The following MED10 variants were observed in gnomAD, a reference collection of about 807,000 sequenced individuals.
MED10 encodes the protein mediator complex subunit 10, also known as mediator of RNA polymerase II transcription subunit 10.
A neutral mutation model predicts 17.2 loss-of-function variants in MED10; 9 were observed. The ratio of observed to expected loss-of-function variants is 0.52; its 90% CI spans 0.31 to 0.91. The LOEUF (loss-of-function observed/expected upper bound fraction) is 0.91. Ranked by LOEUF, MED10 falls within the 40% of genes least tolerant of loss-of-function variation. MED10 has a pLI of 0.04. For synonymous variants in MED10, 66 were observed against 59.8 expected (o/e 1.10, Z -0.48); for missense variants, 129 against 164.8 (o/e 0.78, Z 1.19).
At chr5:6,375,224 A>G (rs905140) in intron 2 of MED10, among the ~76,000 whole-genome samples, 77,098 of 151,958 alleles carry the variant, frequency 0.51, 19,794 homozygotes, top group African/African-American at 0.55. Flanking sequence ...CAGGCCACCT[A>G]CCTTTTTCTG....
chr5:6,377,979 T>G (rs1160644691), intron 1 of MED10, among the ~76,000 whole-genome samples: 2 of 152,176 alleles, frequency 1.3e-5, no homozygotes, highest in African/African-American at 4.8e-5. Context: ...CTGTGGAGCC[T>G]GCCTCCCCTC....
intron 1 of MED10, 22 bp downstream of exon 1, chr5:6,378,340 G>C: frequency 6.3e-7 from 1 of 1,582,150 alleles, no homozygotes; most frequent in African/African-American, 1.3e-5. Context: ...GGAGACCCCG[G>C]CAGCCTCGGG....
intron 2 of MED10, among the ~76,000 whole-genome samples, chr5:6,376,428 G>C (rs190011779): frequency 6.6e-6 from 1 of 152,308 alleles, no homozygotes; most frequent in East Asian, 1.9e-4. Flanking sequence ...GAGTCCGGGG[G>C]TTTCGTCTTA....
intron 3 of MED10, among the ~76,000 whole-genome samples, chr5:6,373,135 AC>A: frequency 6.6e-6 from 1 of 152,244 alleles, no homozygotes; most frequent in East Asian, 1.9e-4. Flanking sequence ...TGTGCTGTTT[AC>A]CACCAGGAGG....
At chr5:6,374,718 C>T (rs568024633) in intron 2 of MED10, 17 of 284,306 alleles carry the variant, frequency 6.0e-5, no homozygotes, top group Non-Finnish European at 1.0e-4. Flanking sequence ...TTAGCATTTG[C>T]ACTTTTCAAA....
chr5:6,374,416 G>C lies in MED10; in HGVS notation c.217C>G (p.Gln73Glu), dbSNP rs2111434863. ...GTGTAGAGCTGGGGATTTCGACCTT[G>C]ATCTATATATCTGGAAACACGATAT... ...VPLEVFEYIDQGRNPQLYTKE... is the reference protein window; with the variant it reads ...VPLEVFEYIDEGRNPQLYTKE... The change falls in exon 3 of 4, where the codon CAA becomes GAA. Residue 73 changes from glutamine (Q) to glutamate (E), a missense_variant. Gln to Glu is a conservative substitution (Grantham distance 29). Coordinates refer to ENST00000255764, the MANE Select transcript of MED10 (RefSeq NM_032286.3). 1.2e-6 allele frequency: 2 copies of C among 1,606,884 alleles called. No individual in the cohort carries two copies. The highest frequency in any genetic ancestry group is 1.7e-6 in the Non-Finnish European group (2 of 1,174,886).
At chr5:6,377,719 A>G (rs9313147) in intron 1 of MED10, among the ~76,000 whole-genome samples, 80,700 of 151,954 alleles carry the variant, frequency 0.53, 21,841 homozygotes, top group African/African-American at 0.62. Flanking sequence ...TGGAACCTCG[A>G]GTGCAACATT....
intron 2 of MED10, among the ~76,000 whole-genome samples, chr5:6,376,120 GGTGCCCAC>G (rs1210753883): frequency 6.6e-6 from 1 of 152,192 alleles, no homozygotes; most frequent in East Asian, 1.9e-4. Context: ...AGACCTCAGT[GGTGCCCAC>G]TGAGCACAGG....
Position 6,372,503 on chromosome 5 carries a change from T to C in MED10, c.408A>G (p.Ter136=). 6.2e-7 allele frequency: 1 copy of C among 1,613,874 alleles called. No individual in the cohort carries two copies. The highest frequency in any genetic ancestry group is 8.5e-7 in the Non-Finnish European group (1 of 1,179,800). Residue 136 remains the stop codon, a stop_retained_variant, in exon 4 of 4, where the codon TAA becomes TAG. Coordinates refer to ENST00000255764, the MANE Select transcript of MED10 (RefSeq NM_032286.3). The part of the protein sequence containing the change: ...SIRGEDHPPS[*] ...TCTTCACACAGGGAGGGTGAGCTGG[T>C]TAAGAAGGCGGGTGATCCTCCCCCC... is the stretch of plus-strand genomic sequence containing the variant.
intron 2 of MED10, 77 bp downstream of exon 2, chr5:6,377,089 G>C: frequency 1.1e-6 from 1 of 934,606 alleles, no homozygotes; most frequent in Non-Finnish European, 1.6e-6. Flanking sequence ...TCGAATGCCA[G>C]TGATGAAGAA....
chr5:6,374,291 CCACTGTATT>C, intron 3 of MED10, 24 bp downstream of exon 3: 1 of 1,444,134 alleles, frequency 6.9e-7, no homozygotes, highest in Non-Finnish European at 9.8e-7. Flanking sequence ...GCATCTCTTC[CCACTGTATT>C]TCTGACACTC....
chr5:6,378,269 G>A (rs1164089230), intron 1 of MED10, 93 bp downstream of exon 1: 4 of 1,430,468 alleles, frequency 2.8e-6, no homozygotes, highest in Admixed American at 2.4e-5. Flanking sequence ...TAGCGGTCAG[G>A]CTCGGCTCGG....
In MED10 at chr5:6,374,530, C is replaced by T. The variant is rs73736843; in HGVS notation, c.207-104G>A. 1,595 of 804,726 alleles carry T rather than the reference C, an allele frequency of 2.0e-3. 18 individuals are homozygous for T. In the African/African-American group the frequency reaches 0.024, roughly 12 times the overall value. 49.8% of individuals were successfully genotyped at this position (804,726 alleles called of 1,614,324 possible). A position where few individuals can be genotyped will look rare whatever the true frequency, so the allele number is the denominator to read the frequency against. On this transcript the variant is annotated intron_variant, in intron 2 of 3. Transcript: ENST00000255764. ...TAAAGGTTAGGTATATATAACTGCA[C>T]ACGGCCTTGTTTAGACAAAACTCAG...
At chr5:6,372,643 C>T (rs1243830144) in intron 3 of MED10, 42 bp from the exon 4 acceptor site, 1 of 1,481,048 alleles carries the variant, frequency 6.8e-7, no homozygotes, top group South Asian at 1.1e-5. Flanking sequence ...TTCACATCAA[C>T]ACTCCAATAA....
At chr5:6,374,480 C>G (rs946013233) in intron 2 of MED10, 54 bp from the exon 3 acceptor site, 2 of 1,272,568 alleles carry the variant, frequency 1.6e-6, no homozygotes, top group Non-Finnish European at 2.3e-6. Flanking sequence ...CCTATTCTCA[C>G]AGCTTTCTGA....
intron 3 of MED10, among the ~76,000 whole-genome samples, chr5:6,373,923 A>T (rs1737941985): frequency 6.6e-6 from 1 of 152,248 alleles, no homozygotes; most frequent in Admixed American, 6.5e-5. Flanking sequence ...TGGAGGTCAG[A>T]AGCTGGACAA....
chr5:6,374,022 G>C (rs184410079), intron 3 of MED10, among the ~76,000 whole-genome samples: 81 of 152,280 alleles, frequency 5.3e-4, no homozygotes, highest in African/African-American at 1.9e-3. Flanking sequence ...TACAGAAATA[G>C]AAAGTATCAA....
At chr5:6,373,757 GAAACA>G (rs1449396263) in intron 3 of MED10, among the ~76,000 whole-genome samples, 3 of 152,130 alleles carry the variant, frequency 2.0e-5, no homozygotes, top group Non-Finnish European at 4.4e-5. Flanking sequence ...TCCAAATAAA[GAAACA>G]AAACACCAAT....
intron 3 of MED10, among the ~76,000 whole-genome samples, chr5:6,373,783 T>C (rs559806095): frequency 3.3e-5 from 5 of 152,320 alleles, no homozygotes; most frequent in South Asian, 4.1e-4. Flanking sequence ...TTGAACTACA[T>C]TTGAGTCAAT....
Sources: allele counts gnomAD v4.1 joint callset (sites outside exome capture counted in the v4.1 genomes callset), GRCh38; gene constraint gnomAD v4.1.1; transcripts MANE v1.5; gene names NCBI Gene and HGNC (gene_info 2026-07-23, HGNC 2026-07-21).